Variants in NAA11 observed in about 807,000 individuals in gnomAD.
NAA11 encodes N-alpha-acetyltransferase 11, NatA catalytic subunit.
In NAA11, 15 loss-of-function variants were observed where a neutral mutation model predicts 16.1. That is an observed-to-expected ratio of 0.93 (90% CI 0.62 to 1.44). The LOEUF (loss-of-function observed/expected upper bound fraction) is 1.44. Among genes scored for constraint, NAA11 ranks in the 40% most tolerant of loss-of-function variants. The probability of loss-of-function intolerance (pLI) is 0.00; values close to 1 mark genes in which losing one functional copy is unlikely to be tolerated. For synonymous variants in NAA11, 122 were observed against 112.4 expected, an observed-to-expected ratio of 1.09 and a Z score of -0.54; for missense variants, 298 against 291.3, an observed-to-expected ratio of 1.02 and a Z score of -0.17.
rs58914185 is a variant in NAA11 at position 79,239,996 on chromosome 4, A to C, written c.*123-13726T>G. ...CTACTGCTGAGTGCCTAATCTGCTA[A>C]CAACTCCTGAGAGTACCAGGAAATG... On this transcript the variant is annotated intron_variant and NMD_transcript_variant, in intron 2 of 2. Transcript: ENST00000511542. 5.6e-3 allele frequency among the ~76,000 whole-genome samples: 848 copies of C among 152,282 alleles called. 9 individuals carry two copies. The highest frequency in any genetic ancestry group is 0.019 in the African/African-American group (785 of 41,568).
the NAA11 span, among the ~76,000 whole-genome samples, chr4:79,167,132 T>TTTTATATATATATATATATA: frequency 5.8e-5 from 1 of 17,282 alleles, no homozygotes; most frequent in Admixed American, 6.8e-4. Flanking sequence ...ACAGCTTATT[T>TTTTATATATATATATATATA]TATATATATA....
the NAA11 span, among the ~76,000 whole-genome samples, chr4:79,208,614 C>CTAGAT: frequency 2.6e-5 from 4 of 151,962 alleles, no homozygotes; most frequent in Admixed American, 2.6e-4. Flanking sequence ...GGAAGTAGTT[C>CTAGAT]TACATTTTTT....
At chr4:79,285,185 T>A (rs1396551547) in intron 2 of NAA11, among the ~76,000 whole-genome samples, 1 of 152,134 alleles carries the variant, frequency 6.6e-6, no homozygotes, top group Admixed American at 6.6e-5. Context: ...ATTTATCAGA[T>A]GCCATAAATT....
the NAA11 span, among the ~76,000 whole-genome samples, chr4:79,208,947 A>C: frequency 4.3e-5 from 6 of 140,946 alleles, no homozygotes; most frequent in Admixed American, 7.1e-5. Context: ...AAAAAAAAAA[A>C]CCCCAAAAAA....
At chr4:79,283,159 G>T (rs533456069) in intron 2 of NAA11, among the ~76,000 whole-genome samples, 3 of 152,196 alleles carry the variant, frequency 2.0e-5, no homozygotes, top group Admixed American at 2.0e-4. Flanking sequence ...GGAATTAGTT[G>T]AGGAGAAAAT....
intron 2 of NAA11, among the ~76,000 whole-genome samples, chr4:79,249,533 T>C (rs1438361376): frequency 6.6e-6 from 1 of 152,042 alleles, no homozygotes; most frequent in Non-Finnish European, 1.5e-5. Flanking sequence ...AAACACCGGC[T>C]CTCTGAAATA....
chr4:79,292,698 C>A (rs561625634), intron 2 of NAA11, among the ~76,000 whole-genome samples: 1 of 152,190 alleles, frequency 6.6e-6, no homozygotes, highest in Non-Finnish European at 1.5e-5. Context: ...TTGACAAAAT[C>A]TGCTTCTCTG....
At chr4:79,195,943 T>A in the NAA11 span, 1 of 152,596 alleles carries the variant, frequency 6.6e-6, no homozygotes, top group Non-Finnish European at 1.5e-5. Flanking sequence ...GTGAGTCAAT[T>A]AAACCTCTTT....
intron 2 of NAA11, among the ~76,000 whole-genome samples, chr4:79,291,723 A>G (rs1461240842): frequency 3.3e-5 from 5 of 152,172 alleles, no homozygotes; most frequent in Non-Finnish European, 7.3e-5. Context: ...TCCGTCTCAA[A>G]AAAGAAACAA....
chr4:79,258,037 G>A (rs1213051955), intron 2 of NAA11, among the ~76,000 whole-genome samples: 1 of 152,366 alleles, frequency 6.6e-6, no homozygotes, highest in East Asian at 1.9e-4. Flanking sequence ...TATGCCAGCT[G>A]CAGTGGAAAG....
chr4:79,261,428 A>G (rs564356331), intron 2 of NAA11, among the ~76,000 whole-genome samples: 1 of 152,334 alleles, frequency 6.6e-6, no homozygotes, highest in South Asian at 2.1e-4. Flanking sequence ...AGTCAACTAT[A>G]TAAAGAATAG....
chr4:79,258,523 G>A (rs1722175719), intron 2 of NAA11, among the ~76,000 whole-genome samples: 1 of 152,224 alleles, frequency 6.6e-6, no homozygotes, highest in Non-Finnish European at 1.5e-5. Context: ...GCCCCCTGCT[G>A]CCTTGGCCCC....
At chr4:79,237,267 A>G (rs1329366371) in intron 2 of NAA11, among the ~76,000 whole-genome samples, 2 of 152,164 alleles carry the variant, frequency 1.3e-5, no homozygotes, top group African/African-American at 4.8e-5. Context: ...TGAACTTAGG[A>G]GTAGTCTGAA....
At chr4:79,171,948 A>G in the NAA11 span, among the ~76,000 whole-genome samples, 4 of 152,182 alleles carry the variant, frequency 2.6e-5, no homozygotes, top group Non-Finnish European at 4.4e-5. Context: ...GTAAGTATGC[A>G]TTAATTATTG....
intron 2 of NAA11, among the ~76,000 whole-genome samples, chr4:79,232,500 T>C (rs6837864): frequency 0.71 from 108,199 of 151,780 alleles, 40,741 homozygotes; most frequent in East Asian, 0.89. Context: ...TTAAAAACAA[T>C]AGTTTGTTGG....
intron 2 of NAA11, among the ~76,000 whole-genome samples, chr4:79,230,216 T>C (rs1721427720): frequency 6.6e-6 from 1 of 151,688 alleles, no homozygotes; most frequent in Non-Finnish European, 1.5e-5. Flanking sequence ...TAGGTGGGAA[T>C]TGAACAATGA....
rs1019797273 is a variant in NAA11, at chr4:79,232,060, C to G, written c.*123-5790G>C. 2.4e-4 allele frequency among the ~76,000 whole-genome samples: 37 copies of G among 151,736 alleles called. 1 individual carries two copies. The highest frequency in any genetic ancestry group is 3.3e-4 in the Admixed American group (5 of 15,196). On this transcript the variant is annotated intron_variant and NMD_transcript_variant, in intron 2 of 2. Coordinates refer to the NAA11 transcript ENST00000511542. The stretch of plus-strand genomic sequence containing the variant: ...GTGTGCTTTCTAACAGATTTCTTAT[C>G]TTTTGGATAAATGTTTTTGAAGAAT...
chr4:79,163,081 T>C, the NAA11 span, among the ~76,000 whole-genome samples: 1 of 152,140 alleles, frequency 6.6e-6, no homozygotes, highest in Non-Finnish European at 1.5e-5. Flanking sequence ...CCAAAGCCCC[T>C]CCTATTTCCA....
At chr4:79,220,656 A>G in the NAA11 span, among the ~76,000 whole-genome samples, 1 of 152,136 alleles carries the variant, frequency 6.6e-6, no homozygotes, top group Admixed American at 6.6e-5. Flanking sequence ...TTTCTAAATT[A>G]CAACACCAAT....
Sources: gnomAD v4.1 joint callset for allele counts (sites outside exome capture counted in the v4.1 genomes callset) on GRCh38, gnomAD v4.1.1 for gene constraint, MANE v1.5 for transcripts, NCBI Gene and HGNC (gene_info 2026-07-23, HGNC 2026-07-21) for gene names.